Variants in ACER2 observed in about 807,000 individuals in gnomAD.
The protein encoded by ACER2 is alkCDase 2.
Under a neutral mutation model 34.7 loss-of-function variants are expected in ACER2, and 26 were observed. The observed-to-expected ratio is 0.75, with a 90% CI of 0.55 to 1.04. The LOEUF (loss-of-function observed/expected upper bound fraction) is 1.04. ACER2 is among the 50% of genes least tolerant of loss of function. ACER2 has a pLI of 0.00. For synonymous variants in ACER2, 138 were observed against 132.1 expected (o/e 1.04, Z -0.31); for missense variants, 352 against 340.8 (o/e 1.03, Z -0.26).
chr9:19,449,125 G>A (rs1255938580), intron 5 of ACER2, among the ~76,000 whole-genome samples: 1 of 152,080 alleles, frequency 6.6e-6, no homozygotes, highest in Non-Finnish European at 1.5e-5. Flanking sequence ...GTGAGACCCC[G>A]TCTCCAAAAA....
At chr9:19,426,231 A>T (rs199805383) in intron 3 of ACER2, among the ~76,000 whole-genome samples, 45 of 95,088 alleles carry the variant, frequency 4.7e-4, no homozygotes, top group African/African-American at 1.9e-3. Flanking sequence ...TTTTTTTTAA[A>T]AAAAAAAAAA....
intron 5 of ACER2, 34 bp from the exon 6 acceptor site, chr9:19,450,416 T>C (rs1171634618): frequency 1.3e-6 from 2 of 1,545,122 alleles, no homozygotes; most frequent in African/African-American, 1.3e-5. Context: ...GTCTTCATGC[T>C]CATCAGGTTC....
intron 3 of ACER2, among the ~76,000 whole-genome samples, chr9:19,434,145 G>T (rs570990807): frequency 3.5e-4 from 51 of 145,822 alleles, no homozygotes; most frequent in South Asian, 3.1e-3. Flanking sequence ...GGGCGGCGGG[G>T]CAGAGGCGCT....
chr9:19,424,037 T>C, intron 2 of ACER2, 61 bp downstream of exon 2: 1 of 1,248,824 alleles, frequency 8.0e-7, no homozygotes, highest in Non-Finnish European at 1.2e-6. Flanking sequence ...GTAGAAGGAA[T>C]TCCACACACT....
intron 3 of ACER2, among the ~76,000 whole-genome samples, chr9:19,427,830 C>T (rs1341923491): frequency 6.6e-6 from 1 of 151,824 alleles, no homozygotes; most frequent in Non-Finnish European, 1.5e-5. Flanking sequence ...CCACGCCTGG[C>T]TAATTTTTTG....
chr9:19,424,880 T>C (rs745365434), intron 3 of ACER2, 39 bp downstream of exon 3: 2 of 1,612,168 alleles, frequency 1.2e-6, no homozygotes, highest in Non-Finnish European at 1.7e-6. Context: ...TACCACTAGG[T>C]GCAGTACCCA....
rs576417417 is a variant in ACER2, at chr9:19,414,409, G to C, written c.108+5217G>C. 9.8e-5 allele frequency among the ~76,000 whole-genome samples: 15 copies of C among 152,376 alleles called. No individual in the cohort carries two copies. In the South Asian group the frequency reaches 2.7e-3, roughly 27 times the overall value. The stretch of plus-strand genomic sequence containing the variant: ...TCAGATGCATCAGGATGAGACTGCA[G>C]TATGTTCATGAGATTATTTTGTAGC... On this transcript the variant is annotated intron_variant, in intron 1 of 5. Coordinates refer to ENST00000340967, the MANE Select transcript of ACER2 (RefSeq NM_001010887.3).
At position 19,450,688 on chromosome 9, in the gene ACER2, T is replaced by C; in HGVS notation, c.*52T>C. The C allele has an allele frequency of 1.4e-6, 2 of 1,468,116 alleles. No homozygotes were observed. The highest frequency in any genetic ancestry group is 1.8e-6 in the Non-Finnish European group (2 of 1,086,506). The allele number at this position is 1,468,116 out of a possible 1,614,324, so 90.9% of individuals were successfully genotyped here. The stretch of plus-strand genomic sequence containing the variant: ...CTTATCGCCCCTCATGCAGTGGGCT[T>C]CCTTTGCTAGGAAGACAGCCAAGGG... On this transcript the variant is annotated 3_prime_UTR_variant, in exon 6 of 6. Transcript: ENST00000340967.
rs1364974572 is a variant in ACER2, at chr9:19,424,724, C to A, written c.248C>A (p.Ala83Glu). 7.4e-6 allele frequency: 12 copies of A among 1,613,834 alleles called. No homozygotes were observed. The highest frequency in any genetic ancestry group is 4.0e-5 in the African/African-American group (3 of 74,918). The stretch of plus-strand genomic sequence containing the variant: ...GGAATTGGATCCGTCTACTTCCATG[C>A]AACCCTTAGTTTCTTGGGTCAGATG... ...VVGIGSVYFH[A>E]TLSFLGQMLD... The change falls in exon 3 of 6, where the codon GCA becomes GAA. Residue 83 changes from alanine (A) to glutamate (E), a missense_variant. By Grantham distance (107) the Ala-to-Glu change is moderately radical. Transcript: ENST00000340967.
chr9:19,414,541 A>T (rs950121983), intron 1 of ACER2, among the ~76,000 whole-genome samples: 1 of 152,174 alleles, frequency 6.6e-6, no homozygotes, highest in South Asian at 2.1e-4. Context: ...CTAGTACTTT[A>T]GGAGGCTGAG....
intron 3 of ACER2, among the ~76,000 whole-genome samples, chr9:19,427,545 T>C (rs1170338477): frequency 6.6e-6 from 1 of 152,172 alleles, no homozygotes; most frequent in Non-Finnish European, 1.5e-5. Context: ...TTTCTGTAGA[T>C]CAGGGATTTC....
At chr9:19,435,140 G>C in intron 4 of ACER2, 56 bp downstream of exon 4, 2 of 1,590,038 alleles carry the variant, frequency 1.3e-6, no homozygotes, top group African/African-American at 1.3e-5. Context: ...GAACACACCA[G>C]TTCGGGGCTT....
rs376343189 is a variant in ACER2, at chr9:19,444,413, C to T, written c.504-1868C>T. ...ATTTTTAGTAGAGACGAGGTTTCACCGGATTAGCCAGGATGGTCTCGATCT... is the reference window on the plus strand; with the variant it reads ...ATTTTTAGTAGAGACGAGGTTTCACTGGATTAGCCAGGATGGTCTCGATCT... On this transcript the variant is annotated intron_variant, in intron 4 of 5. Transcript: ENST00000340967. Among the ~76,000 whole-genome samples, 61 of 152,076 alleles carry T rather than the reference C, an allele frequency of 4.0e-4. No individual in the cohort carries two copies. The East Asian group carries it at 8.9e-3, about 22-fold the overall frequency.
chr9:19,423,431 T>C (rs887089521), intron 1 of ACER2, among the ~76,000 whole-genome samples: 8 of 152,222 alleles, frequency 5.3e-5, no homozygotes, highest in Non-Finnish European at 1.2e-4. Flanking sequence ...CTGGGTGTGG[T>C]GGCTTATGCC....
intron 1 of ACER2, among the ~76,000 whole-genome samples, chr9:19,416,720 A>G (rs1458592440): frequency 1.3e-5 from 2 of 150,776 alleles, no homozygotes; most frequent in Non-Finnish European, 3.0e-5. Context: ...TTTAGTAGAG[A>G]CAGGGTTTTG....
At chr9:19,441,691 G>C (rs1483299498) in intron 4 of ACER2, among the ~76,000 whole-genome samples, 1 of 152,038 alleles carries the variant, frequency 6.6e-6, no homozygotes, top group African/African-American at 2.4e-5. Context: ...TGTTTTGTTT[G>C]TTGTCTGTCC....
At chr9:19,415,228 T>C (rs758352906) in intron 1 of ACER2, among the ~76,000 whole-genome samples, 13 of 152,172 alleles carry the variant, frequency 8.5e-5, no homozygotes, top group Non-Finnish European at 1.6e-4. Context: ...TGGTGGCTTA[T>C]GCCTGTAATC....
In ACER2 at chr9:19,415,743, T is replaced by G. The variant is rs191421868; in HGVS notation, c.108+6551T>G. Among the ~76,000 whole-genome samples the G allele has an allele frequency of 8.9e-4, 136 of 152,300 alleles. 1 individual carries two copies. In the Middle Eastern group the frequency reaches 0.01, roughly 11 times the overall value. On this transcript the variant is annotated intron_variant, in intron 1 of 5. Coordinates refer to ENST00000340967, the MANE Select transcript of ACER2 (RefSeq NM_001010887.3). ...CAGAAGCAAGGTAGATTGAGAGGAC[T>G]TGAGGCACTAAAGATCTTCTGGGGT...
At chr9:19,429,575 T>G (rs1830687216) in intron 3 of ACER2, among the ~76,000 whole-genome samples, 2 of 151,972 alleles carry the variant, frequency 1.3e-5, no homozygotes, top group African/African-American at 4.8e-5. Flanking sequence ...CAAGAGATAC[T>G]CCCACCTTGG....
Sources: allele counts gnomAD v4.1 joint callset (sites outside exome capture counted in the v4.1 genomes callset), GRCh38; gene constraint gnomAD v4.1.1; transcripts MANE v1.5; gene names NCBI Gene and HGNC (gene_info 2026-07-23, HGNC 2026-07-21).